Variants in SET observed in about 807,000 individuals in gnomAD.
SET encodes protein SET.
In SET, 4 loss-of-function variants were observed where a neutral mutation model predicts 39.0. The observed-to-expected ratio is 0.10, with a 90% CI of 0.05 to 0.23. SET has a LOEUF of 0.23. SET is among the 10% of genes least tolerant of loss of function. The probability of loss-of-function intolerance (pLI) is 1.00; values close to 1 mark genes in which losing one functional copy is unlikely to be tolerated. For synonymous variants in SET, 114 were observed against 115.9 expected (o/e 0.98, Z 0.11); for missense variants, 137 against 329.7 (o/e 0.42, Z 4.53).
At chr9:128,692,397 C>CA (rs58637669) in intron 3 of SET, 27,420 of 76,162 alleles carry the variant, frequency 0.36, 6,109 homozygotes, top group East Asian at 0.58. Context: ...GAGACTGTTT[C>CA]AAAAAAAAAA....
Position 128,695,224 on chromosome 9 carries a change from TG to T in SET, c.*563del, listed in dbSNP as rs1204512593. ...GTTTGAGATGTTTGGGTGGGTTAAG[TG>T]GGCATTTTGACAACATGGCTTCTCC... On this transcript the variant is annotated 3_prime_UTR_variant, in exon 8 of 8. Transcript: ENST00000322030. 1 of 221,298 alleles carries T rather than the reference TG, an allele frequency of 4.5e-6. No homozygotes were observed. Among genetic ancestry groups the T allele is most frequent in the Non-Finnish European group, 9.1e-6 (1 of 109,510 alleles). The allele number at this position is 221,298 out of a possible 1,614,324, so 13.7% of individuals were successfully genotyped here.
chr9:128,684,936 C>A, upstream of SET: 1 of 1,084,768 alleles, frequency 9.2e-7, no homozygotes, highest in Non-Finnish European at 1.3e-6. Context: ...GTAGCTGGAG[C>A]TGGATAGAGA....
intron 2 of SET, among the ~76,000 whole-genome samples, chr9:128,691,442 A>G (rs914817890): frequency 1.3e-5 from 2 of 152,240 alleles, no homozygotes; most frequent in Non-Finnish European, 2.9e-5. Context: ...GTTTGCTTTC[A>G]AAGACTGAAA....
In SET at chr9:128,689,420, G is replaced by A. The variant is rs1233268482; in HGVS notation, c.-163G>A. On this transcript the variant is annotated 5_prime_UTR_variant, in exon 1 of 8. Transcript: ENST00000322030. The stretch of plus-strand genomic sequence containing the variant: ...CGGCGTCAGGCCGCGAGGGTAGCGC[G>A]CGCGAGCGAGCGAGGGGGAGGGAGA... 1 of 701,722 alleles carries A rather than the reference G, an allele frequency of 1.4e-6. No homozygotes were observed. The highest frequency in any genetic ancestry group is 1.9e-5 in the African/African-American group (1 of 52,476). 43.5% of individuals were successfully genotyped at this position (701,722 alleles called of 1,614,324 possible). A position where few individuals can be genotyped will look rare whatever the true frequency, so the allele number is the denominator to read the frequency against.
chr9:128,691,292 T>C (rs1589457958), intron 2 of SET, 65 bp downstream of exon 2: 3 of 1,012,312 alleles, frequency 3.0e-6, no homozygotes, highest in South Asian at 1.4e-5. Flanking sequence ...CCGGTAATTA[T>C]CGAAGCTATG....
intron 3 of SET, 36 bp from the exon 4 acceptor site, chr9:128,692,626 T>G (rs761763653): frequency 2.2e-6 from 3 of 1,382,926 alleles, no homozygotes; most frequent in Non-Finnish European, 3.1e-6. Flanking sequence ...TGTGTGCCTG[T>G]TGAAAATTCA....
chr9:128,691,288 A>G (rs1351879348), intron 2 of SET, 61 bp downstream of exon 2: 5 of 1,046,950 alleles, frequency 4.8e-6, no homozygotes, highest in African/African-American at 1.6e-5. Flanking sequence ...TAGCCCGGTA[A>G]TTATCGAAGC....
In SET at chr9:128,694,628, CTT is replaced by C. The variant is rs777622116; in HGVS notation, c.811-9_811-8del. The C allele has an allele frequency of 6.4e-7, 1 of 1,568,162 alleles. No homozygotes were observed. The highest frequency in any genetic ancestry group is 1.4e-5 in the African/African-American group (1 of 72,314). On this transcript the variant is annotated splice_polypyrimidine_tract_variant and intron_variant, in intron 7 of 7. Transcript: ENST00000322030. ...ATTAATCCTGAAGATTAACTGCCCACTTTTTCTTTCAGGAGGATGAAGGAGAA... is the reference window on the plus strand; with the variant it reads ...ATTAATCCTGAAGATTAACTGCCCACTTTCTTTCAGGAGGATGAAGGAGAA...
chr9:128,688,679 C>A (rs541468608), upstream of SET, among the ~76,000 whole-genome samples: 1 of 152,318 alleles, frequency 6.6e-6, no homozygotes, highest in South Asian at 2.1e-4. Context: ...GGACTAAAAC[C>A]CAGGAATGGC....
rs1297008540 is a variant in SET, at chr9:128,689,282, T to C, written c.-301T>C. 4.9e-6 allele frequency: 5 copies of C among 1,013,110 alleles called. No individual in the cohort carries two copies. The highest frequency in any genetic ancestry group is 5.9e-6 in the Non-Finnish European group (5 of 847,534). The allele number at this position is 1,013,110 out of a possible 1,614,324, so 62.8% of individuals were successfully genotyped here. On this transcript the variant is annotated 5_prime_UTR_variant, in exon 1 of 8. Coordinates refer to ENST00000322030, the MANE Select transcript of SET (RefSeq NM_003011.4). Reference sequence around the variant, plus strand: ...TCGGGAGAGCGAGCAGCGAGCTGGCTGGATCGCCGAGCGCGAGTGAGGGAG... The same window carrying C: ...TCGGGAGAGCGAGCAGCGAGCTGGCCGGATCGCCGAGCGCGAGTGAGGGAG...
chr9:128,693,924 AAGG>A lies in SET; in HGVS notation c.695_697del (p.Gly232del), dbSNP rs763198408. The A allele has an allele frequency of 1.4e-5, 22 of 1,584,860 alleles. No homozygotes were observed. The highest frequency in any genetic ancestry group is 2.2e-5 in the East Asian group (1 of 44,700). On this transcript the variant is annotated inframe_deletion, in exon 7 of 8. Coordinates refer to ENST00000322030, the MANE Select transcript of SET (RefSeq NM_003011.4). ...CCCGATATGGATGATGAAGAAGGAGAAGGAGAAGAAGATGATGATGATGATGAA... is the reference window on the plus strand; with the variant it reads ...CCCGATATGGATGATGAAGAAGGAGAAGAAGAAGATGATGATGATGATGAA...
rs201161315 is a variant in SET, at chr9:128,695,793, ACTCT to A, written c.*1132_*1135del. The A allele has an allele frequency of 4.4e-6, 1 of 228,028 alleles. No homozygotes were observed. The highest frequency in any genetic ancestry group is 2.2e-5 in the African/African-American group (1 of 45,266). 14.1% of individuals were successfully genotyped at this position (228,028 alleles called of 1,614,324 possible). A position where few individuals can be genotyped will look rare whatever the true frequency, so the allele number is the denominator to read the frequency against. On this transcript the variant is annotated 3_prime_UTR_variant, in exon 8 of 8. Coordinates refer to ENST00000322030, the MANE Select transcript of SET (RefSeq NM_003011.4). ...CATTTGGGATACCAGATAGCTCAAT[ACTCT>A]CTGAGTACATTGTGCCCTTGATTTT...
chr9:128,683,631 T>A, upstream of SET: 1 of 403,154 alleles, frequency 2.5e-6, no homozygotes, highest in Non-Finnish European at 4.5e-6. Flanking sequence ...AAGGAAGAAC[T>A]TGCCCCCTCC....
chr9:128,694,731 AGTCTT>A lies in SET; in HGVS notation c.*68_*72del. The stretch of plus-strand genomic sequence containing the variant: ...TCTCCAGTCCCTGGGAGCAAGTTGC[AGTCTT>A]TTTTTTTTTTTTTTTTTTTTTTCCC... On this transcript the variant is annotated 3_prime_UTR_variant, in exon 8 of 8. Transcript: ENST00000322030. The A allele has an allele frequency of 6.8e-6, 4 of 592,328 alleles. No homozygotes were observed. Among genetic ancestry groups the A allele is most frequent in the Non-Finnish European group, 1.1e-5 (4 of 363,422 alleles). The allele number at this position is 592,328 out of a possible 1,614,324, so 36.7% of individuals were successfully genotyped here. A position where few individuals can be genotyped will look rare whatever the true frequency, so the allele number is the denominator to read the frequency against.
At position 128,689,592 on chromosome 9, in the gene SET, C is replaced by T. The variant is rs766867171; in HGVS notation, c.10C>T (p.Pro4Ser). The T allele has an allele frequency of 3.3e-5, 46 of 1,380,972 alleles. No individual in the cohort carries two copies. The South Asian group carries it at 6.5e-4, about 20-fold the overall frequency. The allele number at this position is 1,380,972 out of a possible 1,614,324, so 85.5% of individuals were successfully genotyped here. Residue 4 changes from proline (P) to serine (S), a missense_variant, in exon 1 of 8, where the codon CCG (proline) becomes TCG (serine). Coordinates refer to ENST00000322030, the MANE Select transcript of SET (RefSeq NM_003011.4). MSA[P>S]AAKVSKKELN... ...ACCGCGGAGCAGCACCATGTCGGCGCCGGCGGCCAAAGTCAGTAAAAAGGA... is the reference window on the plus strand; with the variant it reads ...ACCGCGGAGCAGCACCATGTCGGCGTCGGCGGCCAAAGTCAGTAAAAAGGA...
At position 128,695,713 on chromosome 9, in the gene SET, CCAT is replaced by C. The variant is rs1319189113; in HGVS notation, c.*1050_*1052del. ...GATTTGAATCAATGTATTAATATCTCCATAGCTGGGAAACGTGGGTTCAATTTG... is the reference window on the plus strand; with the variant it reads ...GATTTGAATCAATGTATTAATATCTCAGCTGGGAAACGTGGGTTCAATTTG... On this transcript the variant is annotated 3_prime_UTR_variant, in exon 8 of 8. Coordinates refer to ENST00000322030, the MANE Select transcript of SET (RefSeq NM_003011.4). The C allele has an allele frequency of 1.8e-5, 4 of 226,668 alleles. No individual in the cohort carries two copies. The highest frequency in any genetic ancestry group is 5.7e-5 in the Admixed American group (1 of 17,636). The allele number at this position is 226,668 out of a possible 1,614,324, so 14.0% of individuals were successfully genotyped here.
chr9:128,687,100 G>A (rs969500520), upstream of SET, among the ~76,000 whole-genome samples: 8 of 152,190 alleles, frequency 5.3e-5, no homozygotes, highest in African/African-American at 1.9e-4. Context: ...GCTCATGCCT[G>A]TAGTCCCAGC....
At chr9:128,683,735 G>A (rs1321333514) in exon 1 of SET, 10 of 563,278 alleles carry the variant, frequency 1.8e-5, no homozygotes, top group Admixed American at 3.4e-5. Context: ...GCTGGGGGAG[G>A]GGGCCGGGGT....
At chr9:128,694,073 A>T in intron 7 of SET, 31 bp downstream of exon 7, 2 of 1,474,380 alleles carry the variant, frequency 1.4e-6, no homozygotes, top group Non-Finnish European at 9.1e-7. Flanking sequence ...ACCCACAAAG[A>T]TAACTTTTAA....
Sources: gnomAD v4.1 joint callset for allele counts (sites outside exome capture counted in the v4.1 genomes callset) on GRCh38, gnomAD v4.1.1 for gene constraint, MANE v1.5 for transcripts, NCBI Gene and HGNC (gene_info 2026-07-23, HGNC 2026-07-21) for gene names.